The following MBNL3 variants were observed in gnomAD, a reference collection of about 807,000 sequenced individuals.
The protein encoded by MBNL3 is muscleblind like splicing regulator 3, also known as muscleblind-like protein 3.
Under a neutral mutation model 24.5 loss-of-function variants are expected in MBNL3, and 6 were observed. The ratio of observed to expected loss-of-function variants is 0.25; its 90% CI spans 0.13 to 0.48. The LOEUF is 0.48. Ranked by LOEUF, MBNL3 falls within the 20% of genes least tolerant of loss-of-function variation. MBNL3 has a pLI of 0.99. For missense variants in MBNL3, 230 were observed against 293.5 expected (o/e 0.78, Z 1.58); for synonymous variants, 100 against 101.7 (o/e 0.98, Z 0.10).
intron 8 of MBNL3, among the ~76,000 whole-genome samples, chrX:132,380,622 C>A (rs1800145510): frequency 9.0e-6 from 1 of 111,247 alleles, no homozygotes; most frequent in African/African-American, 3.3e-5. Context: ...CTCCTTCAAC[C>A]AAATGACACA....
rs774265204 is a variant in MBNL3 at position 132,403,598 on chromosome X, G to A, written c.342+2630C>T. ...ATTAGAAAGCACAAGTGAAGAGGCT[G>A]GAAAGCACAATGGATTTCTTACTGG... is the stretch of plus-strand genomic sequence containing the variant. On this transcript the variant is annotated intron_variant, in intron 3 of 8. Coordinates refer to ENST00000370853, the MANE Select transcript of MBNL3 (RefSeq NM_001386889.1). Among the ~76,000 whole-genome samples the A allele has an allele frequency of 4.5e-5, 5 of 111,791 alleles. No homozygotes were observed. In the South Asian group the frequency reaches 1.9e-3, roughly 42 times the overall value.
chrX:132,383,694 CTA>C (rs1935442931), intron 7 of MBNL3, among the ~76,000 whole-genome samples: 2 of 111,849 alleles, frequency 1.8e-5, no homozygotes, highest in Non-Finnish European at 3.8e-5. Flanking sequence ...TCAGATCTCG[CTA>C]TGTTAGTGAG....
Position 132,379,041 on chromosome X carries a change from T to G in MBNL3, c.*625A>C, listed in dbSNP as rs1934410070. ...AGTCCCAAGAAACCTACAGAAATAT[T>G]CTAAAGAAAGAGAGCATATTTGCAT... On this transcript the variant is annotated 3_prime_UTR_variant, in exon 9 of 9. Transcript: ENST00000370853. 1 of 112,048 alleles carries G rather than the reference T, an allele frequency of 8.9e-6. No homozygotes were observed. 9.2% of individuals were successfully genotyped at this position (112,048 alleles called of 1,213,427 possible). A position where few individuals can be genotyped will look rare whatever the true frequency, so the allele number is the denominator to read the frequency against.
chrX:132,466,831 T>A (rs1946910704), intron 1 of MBNL3, among the ~76,000 whole-genome samples: 1 of 111,363 alleles, frequency 9.0e-6, no homozygotes, highest in South Asian at 3.8e-4. Flanking sequence ...TAGTAAACCA[T>A]GAGCCAGGAA....
upstream of MBNL3, among the ~76,000 whole-genome samples, chrX:132,489,556 C>T (rs1314710619): frequency 5.4e-5 from 6 of 111,892 alleles, no homozygotes; most frequent in Non-Finnish European, 9.5e-5. Flanking sequence ...GCCAGACGTC[C>T]CCTCGCGCAG....
chrX:132,387,965 AT>A (rs1164599296), intron 5 of MBNL3, among the ~76,000 whole-genome samples: 25 of 108,288 alleles, frequency 2.3e-4, no homozygotes, highest in South Asian at 2.0e-3. Context: ...ATTACTTTAC[AT>A]TTTTTTTTTC....
rs1306717973 is a variant in MBNL3 at position 132,378,620 on chromosome X, G to T, written c.*1046C>A. The T allele has an allele frequency of 9.0e-6, 1 of 111,602 alleles. No individual in the cohort carries two copies. Among genetic ancestry groups the T allele is most frequent in the Non-Finnish European group, 1.9e-5 (1 of 53,079 alleles). 9.2% of individuals were successfully genotyped at this position (111,602 alleles called of 1,213,427 possible). On this transcript the variant is annotated 3_prime_UTR_variant, in exon 9 of 9. Transcript: ENST00000370853. ...TCTCCATGCCCCCATCTCTCCGTTT[G>T]ATTTATAACTTGTAATTAGCATATT...
At chrX:132,450,981 G>A (rs1412591837) in intron 1 of MBNL3, among the ~76,000 whole-genome samples, 1 of 112,312 alleles carries the variant, frequency 8.9e-6, no homozygotes, top group Non-Finnish European at 1.9e-5. Flanking sequence ...CTGTTTGCCT[G>A]GGTATCACCA....
chrX:132,445,499 T>G (rs1945658046), intron 1 of MBNL3, among the ~76,000 whole-genome samples: 1 of 111,157 alleles, frequency 9.0e-6, no homozygotes, highest in Non-Finnish European at 1.9e-5. Flanking sequence ...TTTCATTAAC[T>G]TTTTTTTAAA....
At chrX:132,435,374 A>T (rs767569500) in intron 2 of MBNL3, among the ~76,000 whole-genome samples, 1 of 111,627 alleles carries the variant, frequency 9.0e-6, no homozygotes, top group Non-Finnish European at 1.9e-5. Context: ...GTGTAGACAG[A>T]CCTCTCTGAT....
At chrX:132,486,788 A>T (rs1948032112) in intron 1 of MBNL3, among the ~76,000 whole-genome samples, 2 of 111,997 alleles carry the variant, frequency 1.8e-5, no homozygotes, top group South Asian at 3.7e-4. Context: ...CCAGCTCATA[A>T]TCATAAAAAG....
intron 5 of MBNL3, 59 bp from the exon 6 acceptor site, chrX:132,386,870 C>G (rs916351999): frequency 1.7e-5 from 19 of 1,135,176 alleles, no homozygotes; most frequent in Non-Finnish European, 2.2e-5. Flanking sequence ...TCAAACCAAG[C>G]AAGCACCAGT....
chrX:132,403,448 T>A (rs781075158), intron 3 of MBNL3, among the ~76,000 whole-genome samples: 2 of 111,952 alleles, frequency 1.8e-5, no homozygotes, highest in Admixed American at 9.5e-5. Flanking sequence ...CTTGTAACAT[T>A]CTATAAAATA....
intron 2 of MBNL3, among the ~76,000 whole-genome samples, chrX:132,422,738 T>C (rs1943941856): frequency 8.9e-6 from 1 of 111,771 alleles, no homozygotes. Context: ...ACATCATCCT[T>C]AATTGACACC....
At chrX:132,429,396 G>A (rs1944558141) in intron 2 of MBNL3, among the ~76,000 whole-genome samples, 1 of 111,801 alleles carries the variant, frequency 8.9e-6, no homozygotes, top group Non-Finnish European at 1.9e-5. Flanking sequence ...CAACAATGCG[G>A]TGTTTGGGGA....
At chrX:132,473,557 A>G (rs1369701892) in intron 1 of MBNL3, among the ~76,000 whole-genome samples, 1 of 111,753 alleles carries the variant, frequency 8.9e-6, no homozygotes, top group African/African-American at 3.3e-5. Flanking sequence ...TTTGCACAGT[A>G]ACTTGAAATG....
intron 2 of MBNL3, among the ~76,000 whole-genome samples, chrX:132,427,931 A>C (rs1482907017): frequency 9.0e-6 from 1 of 111,392 alleles, no homozygotes; most frequent in African/African-American, 3.3e-5. Flanking sequence ...TTACATTTTC[A>C]AATTTTTGTA....
chrX:132,466,306 A>T (rs966746961), intron 1 of MBNL3, among the ~76,000 whole-genome samples: 3 of 111,902 alleles, frequency 2.7e-5, no homozygotes, highest in African/African-American at 9.7e-5. Flanking sequence ...ACGGCCCCAA[A>T]TGCCTGTGTT....
chrX:132,396,847 CAT>C (rs1263024049), intron 3 of MBNL3, among the ~76,000 whole-genome samples: 3 of 16,543 alleles, frequency 1.8e-4, no homozygotes, highest in African/African-American at 9.6e-4. Context: ...TTCATATATA[CAT>C]ATATATTCAT....
Sources: gnomAD v4.1 joint callset for allele counts (sites outside exome capture counted in the v4.1 genomes callset) on GRCh38, gnomAD v4.1.1 for gene constraint, MANE v1.5 for transcripts, NCBI Gene and HGNC (gene_info 2026-07-23, HGNC 2026-07-21) for gene names.